Variants in PDGFRB observed in about 807,000 individuals in gnomAD.
The protein encoded by PDGFRB is platelet-derived growth factor receptor beta.
PDGFRB carries 42 observed loss-of-function variants against 120.2 expected under a neutral mutation model. The observed-to-expected ratio is 0.35, with a 90% CI of 0.27 to 0.45. The LOEUF (loss-of-function observed/expected upper bound fraction) is 0.45, where lower values mean the gene tolerates loss of function less well. Ranked by LOEUF, PDGFRB falls within the 20% of genes least tolerant of loss-of-function variation. PDGFRB has a pLI of 1.00. For synonymous variants in PDGFRB, 586 were observed against 606.8 expected, an observed-to-expected ratio of 0.97 and a Z score of 0.50; for missense variants, 1,149 against 1,476.3, an observed-to-expected ratio of 0.78 and a Z score of 3.63.
At chr5:150,125,360 A>G in intron 12 of PDGFRB, 85 bp downstream of exon 12, 6 of 1,244,906 alleles carry the variant, frequency 4.8e-6, no homozygotes, top group Non-Finnish European at 5.6e-6. Context: ...ATAGCTAGTC[A>G]TGGCAAGGCT....
At chr5:150,135,953 G>T in intron 2 of PDGFRB, 75 bp from the exon 3 acceptor site, 2 of 987,912 alleles carry the variant, frequency 2.0e-6, no homozygotes, top group Non-Finnish European at 3.0e-6. Flanking sequence ...CTGCGAGGAG[G>T]CCACGTATGC....
Position 150,132,187 on chromosome 5 carries a change from G to T in PDGFRB, c.1128-93C>A. ...TAAAGAGGAACAAGGCCCAGGGAGG[G>T]GAAGGGCTTGCCAAGGTCATCTCGG... On this transcript the variant is annotated intron_variant, in intron 7 of 22. Transcript: ENST00000261799. This position sits in a 1 kb window ranked among gnomAD's most constrained non-coding sequence, Gnocchi z 5.0. 1.4e-6 allele frequency: 1 copy of T among 697,932 alleles called. No homozygotes were observed. The highest frequency in any genetic ancestry group is 1.8e-5 in the South Asian group (1 of 57,100). The allele number at this position is 697,932 out of a possible 1,614,324, so 43.2% of individuals were successfully genotyped here.
In PDGFRB at chr5:150,129,968, C is replaced by A. The variant is rs780793425; in HGVS notation, c.1368G>T (p.Arg456Ser). The change falls in exon 10 of 23, where the codon AGG becomes AGT. Residue 456 changes from arginine (R) to serine (S), a missense_variant and splice_region_variant. By Grantham distance (110) the Arg-to-Ser change is moderately radical (BLOSUM62 -1). Around this residue, in one of 3 missense-constraint regions of PDGFRB, gnomAD observed 879 missense variants for 1,108.6 expected, o/e 0.79. Transcript: ENST00000261799. Reference protein sequence around the residue: ...IIWSACRDLKRCPRELPPTLL... With the variant: ...IIWSACRDLKSCPRELPPTLL... ...GCGTGGGCGGCAGCTCACGTGGACA[C>A]CTGCCAGGAGAGCCGGTAGGGTTGG... 9.9e-6 allele frequency: 16 copies of A among 1,613,012 alleles called. No individual in the cohort carries two copies. Among genetic ancestry groups the A allele is most frequent in the Non-Finnish European group, 1.4e-5 (16 of 1,179,656 alleles).
chr5:150,123,020 T>C (rs200363833), intron 15 of PDGFRB, 22 bp downstream of exon 15: 2 of 1,607,002 alleles, frequency 1.2e-6, no homozygotes, highest in African/African-American at 2.7e-5. Context: ...AAAGATTCAG[T>C]CCCTGGCCTC....
intron 10 of PDGFRB, among the ~76,000 whole-genome samples, chr5:150,127,242 T>C (rs532961988): frequency 6.6e-6 from 1 of 151,808 alleles, no homozygotes; most frequent in African/African-American, 2.4e-5. Context: ...AAGCCTCGAG[T>C]CTCCTCCACC....
rs772038649 is a variant in PDGFRB, at chr5:150,135,548, C to T, written c.364+7G>A. 1.3e-6 allele frequency: 2 copies of T among 1,578,586 alleles called. No homozygotes were observed. On this transcript the variant is annotated splice_region_variant and intron_variant, in intron 3 of 22. Transcript: ENST00000261799. The stretch of plus-strand genomic sequence containing the variant: ...AAGGAGTGGGCACACAGGCTGGGAG[C>T]CCTTACCTGGCACAAAGATGTAGAG...
rs1194835074 is a variant in PDGFRB at position 150,114,522 on chromosome 5, A to G, written c.*1241T>C. On this transcript the variant is annotated 3_prime_UTR_variant, in exon 23 of 23. Coordinates refer to ENST00000261799, the MANE Select transcript of PDGFRB (RefSeq NM_002609.4). ...GTGAAAGAGGTCCCGTGGTCTTCCCATGTCCCTGGGGCAGCTGCTGGGGGC... is the reference window on the plus strand; with the variant it reads ...GTGAAAGAGGTCCCGTGGTCTTCCCGTGTCCCTGGGGCAGCTGCTGGGGGC... 4.3e-6 allele frequency: 1 copy of G among 233,252 alleles called. No individual in the cohort carries two copies. Among genetic ancestry groups the G allele is most frequent in the Non-Finnish European group, 8.5e-6 (1 of 117,856 alleles). The allele number at this position is 233,252 out of a possible 1,614,324, so 14.4% of individuals were successfully genotyped here.
intron 21 of PDGFRB, 48 bp from the exon 22 acceptor site, chr5:150,117,898 G>T: frequency 9.2e-7 from 1 of 1,089,886 alleles, no homozygotes; most frequent in South Asian, 1.3e-5. Context: ...GGTCAGGCCA[G>T]AAATGCCTTC....
intron 1 of PDGFRB, among the ~76,000 whole-genome samples, chr5:150,138,805 C>A (rs1187946210): frequency 2.0e-5 from 3 of 152,258 alleles, no homozygotes; most frequent in Admixed American, 1.3e-4. Context: ...CTGGCTGCCC[C>A]CTTCCTGCTA....
At position 150,133,639 on chromosome 5, in the gene PDGFRB, G is replaced by A. The variant is rs374864774; in HGVS notation, c.881C>T (p.Thr294Met). ...EDSGTYTCNVTESVNDHQDEK... is the reference protein window; with the variant it reads ...EDSGTYTCNVMESVNDHQDEK... The stretch of plus-strand genomic sequence containing the variant: ...ATCCTGATGGTCATTCACACTCTCC[G>A]TCACATTGCAGGTGTAGGTCCCCGA... The change falls in exon 6 of 23, where the codon ACG becomes ATG. Residue 294 changes from threonine to methionine, a missense_variant. By Grantham distance (81) the Thr-to-Met change is moderately conservative. Coordinates refer to ENST00000261799, the MANE Select transcript of PDGFRB (RefSeq NM_002609.4). 28 of 1,613,918 alleles carry A rather than the reference G, an allele frequency of 1.7e-5. No homozygotes were observed. Among genetic ancestry groups the A allele is most frequent in the African/African-American group, 1.1e-4 (8 of 74,910 alleles).
chr5:150,139,283 G>A lies in PDGFRB; in HGVS notation c.-6-2230C>T, dbSNP rs146129394. Among the ~76,000 whole-genome samples, 455 of 152,232 alleles carry A rather than the reference G, an allele frequency of 3.0e-3. 1 individual carries two copies. Among genetic ancestry groups the A allele is most frequent in the African/African-American group, 9.7e-3 (404 of 41,538 alleles). On this transcript the variant is annotated intron_variant, in intron 1 of 22. Transcript: ENST00000261799. The stretch of plus-strand genomic sequence containing the variant: ...AGGTTGTAGGCACCCCAGGGATCTC[G>A]GACTGGCTTTACTATGAATAGAGCA...
At position 150,143,074 on chromosome 5, in the gene PDGFRB, T is replaced by C. The variant is rs115846090; in HGVS notation, c.-6-6021A>G. ...ATGGCTGGATGTCAGTAGTGGACTT[T>C]GTTGATGACTAACAGGTGGGTAGCG... On this transcript the variant is annotated intron_variant, in intron 1 of 22. Coordinates refer to ENST00000261799, the MANE Select transcript of PDGFRB (RefSeq NM_002609.4). 4.1e-3 allele frequency among the ~76,000 whole-genome samples: 621 copies of C among 152,190 alleles called. 2 individuals are homozygous for C. The highest frequency in any genetic ancestry group is 5.8e-3 in the Admixed American group (89 of 15,298).
chr5:150,146,485 ATAAG>A (rs1760925506), intron 1 of PDGFRB, among the ~76,000 whole-genome samples: 2 of 152,318 alleles, frequency 1.3e-5, no homozygotes, highest in African/African-American at 4.8e-5. Flanking sequence ...AGGTCACACA[ATAAG>A]TAAGATGCAA....
At chr5:150,144,717 G>T (rs1760874274) in intron 1 of PDGFRB, among the ~76,000 whole-genome samples, 1 of 152,154 alleles carries the variant, frequency 6.6e-6, no homozygotes. Flanking sequence ...CCAAGGGAGG[G>T]GGCCTGGGTC....
At position 150,125,528 on chromosome 5, in the gene PDGFRB, T is replaced by C. The variant is rs1760270741; in HGVS notation, c.1724A>G (p.Asp575Gly). 1 of 1,613,528 alleles carries C rather than the reference T, an allele frequency of 6.2e-7. No homozygotes were observed. Among genetic ancestry groups the C allele is most frequent in the Admixed American group, 1.7e-5 (1 of 59,942 alleles). Reference protein sequence around the residue: ...RWKVIESVSSDGHEYIYVDPM... With the variant: ...RWKVIESVSSGGHEYIYVDPM... ...GTCCACGTAGATGTACTCATGGCCGTCAGAGCTCACAGACTCAATCACCTT... is the reference window on the plus strand; with the variant it reads ...GTCCACGTAGATGTACTCATGGCCGCCAGAGCTCACAGACTCAATCACCTT... The change falls in exon 12 of 23, where the codon GAC (aspartate) becomes GGC (glycine). Residue 575 changes from aspartate (D) to glycine (G), a missense_variant. Coordinates refer to ENST00000261799, the MANE Select transcript of PDGFRB (RefSeq NM_002609.4).
At chr5:150,144,676 G>T (rs943197824) in intron 1 of PDGFRB, among the ~76,000 whole-genome samples, 2 of 152,166 alleles carry the variant, frequency 1.3e-5, no homozygotes, top group African/African-American at 4.8e-5. Flanking sequence ...GTGGGAAAGC[G>T]CTCAGTGTGT....
At chr5:150,145,557 G>A (rs1010973421) in intron 1 of PDGFRB, among the ~76,000 whole-genome samples, 1 of 152,210 alleles carries the variant, frequency 6.6e-6, no homozygotes, top group Non-Finnish European at 1.5e-5. Flanking sequence ...GGCACAGACT[G>A]TTTACATTGT....
intron 19 of PDGFRB, 35 bp from the exon 20 acceptor site, chr5:150,119,601 CA>C (rs763544837): frequency 3.2e-5 from 42 of 1,331,790 alleles, no homozygotes; most frequent in Non-Finnish European, 4.2e-5. Context: ...TACACAGGCT[CA>C]GGGGTGGAAA....
intron 19 of PDGFRB, among the ~76,000 whole-genome samples, 190 bp downstream of exon 19, chr5:150,119,822 A>G (rs974799112): frequency 6.6e-6 from 1 of 152,204 alleles, no homozygotes. Flanking sequence ...TCAGACAGGG[A>G]GATAAAGAGA....
Sources: allele counts gnomAD v4.1 joint callset (sites outside exome capture counted in the v4.1 genomes callset), GRCh38; gene constraint gnomAD v4.1.1; regional missense constraint gnomAD v4.1.1; non-coding constraint Gnocchi (gnomAD v3.1); transcripts MANE v1.5; gene names NCBI Gene and HGNC (gene_info 2026-07-23, HGNC 2026-07-21).